ADGRE3: variants seen among roughly 807,000 people sequenced by gnomAD.
ADGRE3 encodes the protein adhesion G protein-coupled receptor E3, also known as EGF-like module receptor 3.
A neutral mutation model predicts 80.1 loss-of-function variants in ADGRE3; 88 were observed. The observed-to-expected ratio is 1.10, with a 90% CI of 0.93 to 1.31. ADGRE3 has a LOEUF of 1.31. ADGRE3 is among the 40% of genes most tolerant of loss of function. The pLI, the probability that ADGRE3 is intolerant of heterozygous loss-of-function variation, is 0.00. For synonymous variants in ADGRE3, 281 were observed against 294.8 expected, an observed-to-expected ratio of 0.95 and a Z score of 0.48; for missense variants, 715 against 776.5, an observed-to-expected ratio of 0.92 and a Z score of 0.94.
At chr19:14,637,251 T>C (rs6511945) in intron 11 of ADGRE3, among the ~76,000 whole-genome samples, 140,216 of 152,192 alleles carry the variant, frequency 0.92, 64,655 homozygotes, top group South Asian at 0.94. Context: ...CTGATGATTT[T>C]GTCTGCTGTA....
chr19:14,662,246 A>C, intron 3 of ADGRE3, 128 bp from the exon 4 acceptor site: 1 of 872,540 alleles, frequency 1.1e-6, no homozygotes, highest in Non-Finnish European at 1.7e-6. Flanking sequence ...AGTTTAGGTA[A>C]TGGTTATCTT....
intron 2 of ADGRE3, among the ~76,000 whole-genome samples, chr19:14,664,034 C>G (rs918627749): frequency 1.3e-5 from 2 of 152,066 alleles, no homozygotes; most frequent in Non-Finnish European, 2.9e-5. Context: ...AAGCCTGTGC[C>G]TTTTCCTCTT....
chr19:14,613,707 A>G, the ADGRE3 span, among the ~76,000 whole-genome samples: 5 of 152,018 alleles, frequency 3.3e-5, no homozygotes, highest in South Asian at 1.0e-3. Context: ...TTTTTTTGAG[A>G]TGGAGTGTCA....
chr19:14,650,722 C>T (rs1568491002), intron 7 of ADGRE3, among the ~76,000 whole-genome samples: 1 of 149,414 alleles, frequency 6.7e-6, no homozygotes, highest in Non-Finnish European at 1.5e-5. Flanking sequence ...CACTCTTCAG[C>T]TCTTTAGTTG....
At chr19:14,620,548 T>TAATATATATATATAATATA in intron 15 of ADGRE3, among the ~76,000 whole-genome samples, 1 of 24,982 alleles carries the variant, frequency 4.0e-5, no homozygotes. Context: ...TATATATATA[T>TAATATATATATATAATATA]TATATATATA....
At chr19:14,628,715 TG>T in intron 14 of ADGRE3, 2 of 390,794 alleles carry the variant, frequency 5.1e-6, no homozygotes, top group South Asian at 2.1e-5. Context: ...CAGACTGGGA[TG>T]GATCTATGAG....
rs570734814 is a variant in ADGRE3 at position 14,628,144 on chromosome 19, A to C, written c.1812+1895T>G. Among the ~76,000 whole-genome samples the C allele has an allele frequency of 2.8e-4, 43 of 152,058 alleles. 1 individual carries two copies. The South Asian group carries it at 5.0e-3, about 18-fold the overall frequency. On this transcript the variant is annotated intron_variant, in intron 14 of 15. Transcript: ENST00000253673. ...ACTCTGTCTCAAACAAAAAACAAAA[A>C]ACAAAACAACAAAAAAACGAATAAC... is the stretch of plus-strand genomic sequence containing the variant.
intron 4 of ADGRE3, among the ~76,000 whole-genome samples, chr19:14,659,151 C>T (rs1018398743): frequency 1.1e-4 from 17 of 151,512 alleles, no homozygotes; most frequent in Non-Finnish European, 2.4e-4. Flanking sequence ...TCCTCCACCT[C>T]AGTCCCCCAA....
chr19:14,616,123 G>A (rs1480310345), downstream of ADGRE3, among the ~76,000 whole-genome samples: 2 of 151,888 alleles, frequency 1.3e-5, no homozygotes, highest in African/African-American at 4.8e-5. Flanking sequence ...GTAGAGACGG[G>A]GTGTCACCAT....
chr19:14,617,349 T>TCTTTCTTTCTTTCTTTCTTTCTTTCTTC (rs1336052025), downstream of ADGRE3, among the ~76,000 whole-genome samples: 1 of 61,818 alleles, frequency 1.6e-5, no homozygotes, highest in Non-Finnish European at 3.5e-5. Context: ...TCCCTTTCTT[T>TCTTTCTTTCTTTCTTTCTTTCTTTCTTC]CTTTCTTTCT....
Position 14,633,259 on chromosome 19 carries a change from C to T in ADGRE3, c.1528G>A (p.Gly510Ser), listed in dbSNP as rs1970934783. 1 of 1,612,564 alleles carries T rather than the reference C, an allele frequency of 6.2e-7. No homozygotes were observed. The highest frequency in any genetic ancestry group is 1.3e-5 in the African/African-American group (1 of 74,888). Residue 510 changes from glycine to serine, a missense_variant, in exon 12 of 16, where the codon GGC becomes AGC. Coordinates refer to ENST00000253673, the MANE Select transcript of ADGRE3 (RefSeq NM_032571.5). ...ACAGAGAAAATGGCACAGACTGGGC[C>T]AAGGAAACTCCACATGAATCCCTGG... ...LDQGFMWSFLGPVCAIFSANL... is the reference protein window; with the variant it reads ...LDQGFMWSFLSPVCAIFSANL...
intron 6 of ADGRE3, among the ~76,000 whole-genome samples, chr19:14,653,792 T>C (rs1971670969): frequency 6.6e-6 from 1 of 152,036 alleles, no homozygotes; most frequent in Non-Finnish European, 1.5e-5. Context: ...GTGAGGGCAC[T>C]GGTCTCAGAT....
rs1020874843 is a variant in ADGRE3 at position 14,662,077 on chromosome 19, A to G, written c.241T>C (p.Phe81Leu). ...TCGACATTGTAACACACAGCGTTAA[A>G]TCCACAATATACACTATAGGGTGGT... is the stretch of plus-strand genomic sequence containing the variant. ...CTPPYSVYCG[F>L]NAVCYNVEGS... The change falls in exon 4 of 16, where the codon TTT (phenylalanine) becomes CTT (leucine). Residue 81 changes from phenylalanine (F) to leucine (L), a missense_variant. Physicochemically the swap from Phe to Leu is conservative, Grantham distance 22 (BLOSUM62 0). Transcript: ENST00000253673. 6.2e-7 allele frequency: 1 copy of G among 1,614,212 alleles called. No individual in the cohort carries two copies. Among genetic ancestry groups the G allele is most frequent in the Non-Finnish European group, 8.5e-7 (1 of 1,180,000 alleles).
chr19:14,634,892 A>G (rs1025303251), intron 11 of ADGRE3, among the ~76,000 whole-genome samples: 1 of 152,138 alleles, frequency 6.6e-6, no homozygotes, highest in African/African-American at 2.4e-5. Context: ...GCTAAACTCC[A>G]TAACAATACG....
chr19:14,626,392 A>T (rs1313775281), intron 14 of ADGRE3, among the ~76,000 whole-genome samples: 3 of 152,134 alleles, frequency 2.0e-5, no homozygotes, highest in African/African-American at 7.2e-5. Flanking sequence ...AGCTGAGATC[A>T]CGGCACTGCA....
chr19:14,649,021 C>T (rs1356603228), intron 7 of ADGRE3, among the ~76,000 whole-genome samples: 2 of 143,724 alleles, frequency 1.4e-5, no homozygotes, highest in African/African-American at 2.6e-5. Flanking sequence ...GATCTCTTTC[C>T]ACATCTCTCT....
chr19:14,664,123 G>A (rs1003726331), intron 2 of ADGRE3, among the ~76,000 whole-genome samples: 1 of 152,050 alleles, frequency 6.6e-6, no homozygotes, highest in African/African-American at 2.4e-5. Context: ...TTCACATGGT[G>A]AAACCCCGTC....
chr19:14,608,618 A>C, the ADGRE3 span, among the ~76,000 whole-genome samples: 1 of 148,724 alleles, frequency 6.7e-6, no homozygotes, highest in East Asian at 2.0e-4. Flanking sequence ...GGGTGGAAGG[A>C]TGAGGAAGAA....
At chr19:14,662,543 G>A (rs1253311036) in intron 3 of ADGRE3, among the ~76,000 whole-genome samples, 1 of 151,972 alleles carries the variant, frequency 6.6e-6, no homozygotes, top group Admixed American at 6.6e-5. Context: ...GCACCACCAC[G>A]CCCGGCTGAT....
Sources: gnomAD v4.1 joint callset for allele counts (sites outside exome capture counted in the v4.1 genomes callset) on GRCh38, gnomAD v4.1.1 for gene constraint, MANE v1.5 for transcripts, NCBI Gene and HGNC (gene_info 2026-07-23, HGNC 2026-07-21) for gene names.